AUTS2: variants seen among roughly 807,000 people sequenced by gnomAD.
The protein encoded by AUTS2 is activator of transcription and developmental regulator AUTS2.
Under a neutral mutation model 112.4 loss-of-function variants are expected in AUTS2, and 17 were observed. The observed-to-expected ratio is 0.15, with a 90% CI of 0.10 to 0.23. The LOEUF (loss-of-function observed/expected upper bound fraction) is 0.23, where lower values mean the gene tolerates loss of function less well. Ranked by LOEUF, AUTS2 falls within the 10% of genes least tolerant of loss-of-function variation. The pLI is 1.00. For missense variants in AUTS2, 1,510 were observed against 1,701.6 expected, an observed-to-expected ratio of 0.89 and a Z score of 1.98; for synonymous variants, 751 against 702.7, an observed-to-expected ratio of 1.07 and a Z score of -1.09.
In AUTS2 at chr7:69,926,216, A is replaced by AT. The variant is rs201102972; in HGVS notation, c.522+26724dup. ...GCTCAGTTTTATTATATCCTTACGGATTTTTTGCCTGCTTGTTCTATCAAG... is the reference window on the plus strand; with the variant it reads ...GCTCAGTTTTATTATATCCTTACGGATTTTTTTGCCTGCTTGTTCTATCAAG... On this transcript the variant is annotated intron_variant, in intron 2 of 18. Coordinates refer to ENST00000342771, the MANE Select transcript of AUTS2 (RefSeq NM_015570.4). Among the ~76,000 whole-genome samples, 1,047 of 152,080 alleles carry AT rather than the reference A, an allele frequency of 6.9e-3. 7 individuals carry two copies. The highest frequency in any genetic ancestry group is 0.014 in the Middle Eastern group (4 of 294).
At chr7:69,792,717 G>A (rs1278394961) in intron 1 of AUTS2, among the ~76,000 whole-genome samples, 2 of 152,038 alleles carry the variant, frequency 1.3e-5, no homozygotes, top group African/African-American at 4.8e-5. Flanking sequence ...ACGAGACTGA[G>A]TATCTGAATT....
At position 69,839,900 on chromosome 7, in the gene AUTS2, A is replaced by G. The variant is rs189558518; in HGVS notation, c.310-59386A>G. ...GGTGGAGGAGAGGGGGGATGGGGAA[A>G]GATAAAGAGGCAGATAAGAAACAGG... On this transcript the variant is annotated intron_variant, in intron 1 of 18. Transcript: ENST00000342771. 1.1e-4 allele frequency among the ~76,000 whole-genome samples: 17 copies of G among 152,180 alleles called. 1 individual carries two copies. The highest frequency in any genetic ancestry group is 4.2e-4 in the South Asian group (2 of 4,808).
Position 70,785,966 on chromosome 7 carries a change from C to T in AUTS2, c.2236C>T (p.Arg746Trp). 4 of 1,613,906 alleles carry T rather than the reference C, an allele frequency of 2.5e-6. No individual in the cohort carries two copies. The highest frequency in any genetic ancestry group is 3.4e-6 in the Non-Finnish European group (4 of 1,179,950). ...CATCTTGTTTGCAGAGCCTTTTAAT[C>T]GGCCGTCTACATTCACAGGCCTAGC... The part of the protein sequence containing the change: ...NPAAHLEPFN[R>W]PSTFTGLAAV... The change falls in exon 17 of 19, where the codon CGG (arginine) becomes TGG (tryptophan). Residue 746 changes from arginine (R) to tryptophan (W), a missense_variant. By Grantham distance (101) the Arg-to-Trp change is moderately radical. This residue lies in a region of AUTS2 where 788 missense variants were observed against 797.6 expected (regional missense o/e 0.99). Coordinates refer to ENST00000342771, the MANE Select transcript of AUTS2 (RefSeq NM_015570.4).
At chr7:70,705,601 A>G (rs1383614867) in intron 6 of AUTS2, among the ~76,000 whole-genome samples, 1 of 152,234 alleles carries the variant, frequency 6.6e-6, no homozygotes, top group African/African-American at 2.4e-5. Context: ...TCCTGAACTC[A>G]GAGGTGCTGT....
intron 4 of AUTS2, among the ~76,000 whole-genome samples, chr7:70,385,748 A>AT (rs745653616): frequency 6.6e-6 from 1 of 152,030 alleles, no homozygotes; most frequent in Non-Finnish European, 1.5e-5. Flanking sequence ...ATAAAATAAA[A>AT]TTTTCCGGAC....
At chr7:70,734,430 A>T (rs1787658501) in intron 6 of AUTS2, among the ~76,000 whole-genome samples, 2 of 149,652 alleles carry the variant, frequency 1.3e-5, no homozygotes, top group Admixed American at 6.7e-5. Flanking sequence ...ACAGAGTGAG[A>T]GTCTATCTCA....
intron 5 of AUTS2, among the ~76,000 whole-genome samples, chr7:70,510,740 AAGTTATTTTTATAAAAATGTATT>A (rs1442691983): frequency 2.0e-5 from 3 of 152,168 alleles, no homozygotes; most frequent in Non-Finnish European, 4.4e-5. Flanking sequence ...TGTTTTGAAA[AAGTTATTTTTATAAAAATGTATT>A]TAACAGGTAA....
At chr7:70,489,054 GTGAT>G (rs1310543716) in intron 5 of AUTS2, among the ~76,000 whole-genome samples, 1 of 152,192 alleles carries the variant, frequency 6.6e-6, no homozygotes, top group African/African-American at 2.4e-5. Context: ...GATTATGTGA[GTGAT>G]TGATCCCACC....
intron 1 of AUTS2, among the ~76,000 whole-genome samples, chr7:69,618,615 CT>C (rs1294735165): frequency 2.0e-5 from 3 of 152,086 alleles, no homozygotes; most frequent in Non-Finnish European, 4.4e-5. Context: ...AGTACTGGTG[CT>C]TTTGAGGACC....
chr7:70,355,337 G>A (rs1408564481), intron 4 of AUTS2, among the ~76,000 whole-genome samples: 1 of 152,038 alleles, frequency 6.6e-6, no homozygotes, highest in Non-Finnish European at 1.5e-5. Flanking sequence ...ATGAAACACT[G>A]ACATGCCAGG....
intron 2 of AUTS2, among the ~76,000 whole-genome samples, chr7:70,102,353 C>G (rs773610440): frequency 2.0e-4 from 30 of 151,908 alleles, no homozygotes; most frequent in Non-Finnish European, 4.4e-5. Flanking sequence ...CTCCTGACCT[C>G]GTGATCTGCT....
At chr7:70,582,449 A>G (rs1802497541) in intron 5 of AUTS2, among the ~76,000 whole-genome samples, 1 of 152,188 alleles carries the variant, frequency 6.6e-6, no homozygotes, top group Admixed American at 6.5e-5. Context: ...GAGAGTATGT[A>G]TATTTGTTCA....
chr7:70,418,855 T>G (rs1795097601), intron 4 of AUTS2, among the ~76,000 whole-genome samples: 1 of 122,640 alleles, frequency 8.2e-6, no homozygotes, highest in Non-Finnish European at 1.9e-5. Flanking sequence ...TTTTCCAGTG[T>G]TTTTTTTTTC....
intron 4 of AUTS2, among the ~76,000 whole-genome samples, chr7:70,328,295 C>T (rs548688870): frequency 1.4e-4 from 21 of 152,222 alleles, no homozygotes; most frequent in African/African-American, 5.1e-4. Flanking sequence ...GATCATAGCT[C>T]ACTGTAGCCT....
At chr7:70,302,533 A>G (rs1789265500) in intron 4 of AUTS2, among the ~76,000 whole-genome samples, 2 of 151,990 alleles carry the variant, frequency 1.3e-5, no homozygotes, top group East Asian at 3.8e-4. Flanking sequence ...TGCTTATCTT[A>G]TGCATCCTTT....
intron 1 of AUTS2, among the ~76,000 whole-genome samples, chr7:69,602,032 ATATATATATGTGTGTGTGTGTGTGTGTG>A (rs1273370274): frequency 0.011 from 138 of 13,014 alleles, 4 homozygotes; most frequent in East Asian, 0.072. Flanking sequence ...ATATATATAT[ATATATATATGTGTGTGTGTGTGTGTGTG>A]TGTGTGTGTG....
At chr7:69,757,534 G>A (rs1167150133) in intron 1 of AUTS2, among the ~76,000 whole-genome samples, 1 of 152,114 alleles carries the variant, frequency 6.6e-6, no homozygotes, top group Non-Finnish European at 1.5e-5. Context: ...TTTATTTGGA[G>A]AGAAAAATGG....
chr7:70,129,682 GA>G (rs1242249981), intron 3 of AUTS2, among the ~76,000 whole-genome samples: 1 of 152,166 alleles, frequency 6.6e-6, no homozygotes, highest in Non-Finnish European at 1.5e-5. Context: ...AACTGTCCAT[GA>G]AGACAAGAGC....
At chr7:70,585,631 A>G (rs950638367) in intron 5 of AUTS2, among the ~76,000 whole-genome samples, 1 of 152,152 alleles carries the variant, frequency 6.6e-6, no homozygotes, top group African/African-American at 2.4e-5. Flanking sequence ...GCCCCAATTT[A>G]TGCCTGCTGT....
Sources: allele counts gnomAD v4.1 joint callset (sites outside exome capture counted in the v4.1 genomes callset), GRCh38; gene constraint gnomAD v4.1.1; regional missense constraint gnomAD v4.1.1; transcripts MANE v1.5; gene names NCBI Gene and HGNC (gene_info 2026-07-23, HGNC 2026-07-21).